The following MTR variants were observed in gnomAD, a reference collection of about 807,000 sequenced individuals.
MTR encodes the protein 5-methyltetrahydrofolate-homocysteine methyltransferase.
Under a neutral mutation model 154.8 loss-of-function variants are expected in MTR, and 84 were observed. The ratio of observed to expected loss-of-function variants is 0.54; its 90% CI spans 0.45 to 0.65. The LOEUF is 0.65. Ranked by LOEUF, MTR falls within the 30% of genes least tolerant of loss-of-function variation. The pLI, the probability that MTR is intolerant of heterozygous loss-of-function variation, is 0.00. For synonymous variants in MTR, 554 were observed against 553.9 expected (o/e 1.00, Z 0.00); for missense variants, 1,275 against 1,570.2 (o/e 0.81, Z 3.18).
intron 22 of MTR, among the ~76,000 whole-genome samples, chr1:236,871,962 A>G (rs1572302072): frequency 6.6e-6 from 1 of 152,296 alleles, no homozygotes; most frequent in East Asian, 1.9e-4. Context: ...GTTACCAGCC[A>G]GTATGTCATG....
chr1:236,799,670 TAAG>T (rs1660599493), intron 1 of MTR, among the ~76,000 whole-genome samples: 1 of 152,118 alleles, frequency 6.6e-6, no homozygotes, highest in Non-Finnish European at 1.5e-5. Context: ...CACAAATCAA[TAAG>T]AAAACAAATT....
rs1015866342 is a variant in MTR at position 236,842,531 on chromosome 1, A to G, written c.1515+3932A>G. 2.6e-5 allele frequency among the ~76,000 whole-genome samples: 4 copies of G among 152,098 alleles called. No individual in the cohort carries two copies. The East Asian group carries it at 5.8e-4, about 22-fold the overall frequency. ...TCTACATTTATCCTCCAAACCGTCT[A>G]TTGAGTTTTATTTCTTCTTTTTCCT... On this transcript the variant is annotated intron_variant, in intron 15 of 32. Transcript: ENST00000366577.
intron 29 of MTR, among the ~76,000 whole-genome samples, chr1:236,891,759 G>C (rs893887247): frequency 2.6e-5 from 4 of 152,206 alleles, no homozygotes; most frequent in Non-Finnish European, 5.9e-5. Context: ...ACAAACATTT[G>C]CAGAATGTAT....
At chr1:236,795,880 G>A in intron 1 of MTR, 143 bp downstream of exon 1, 2 of 1,305,560 alleles carry the variant, frequency 1.5e-6, no homozygotes, top group Non-Finnish European at 1.1e-6. Flanking sequence ...TTAGAACTTA[G>A]CGCAGGAGCC....
intron 15 of MTR, among the ~76,000 whole-genome samples, chr1:236,843,076 ACT>A (rs1283926906): frequency 2.0e-4 from 28 of 138,628 alleles, no homozygotes; most frequent in African/African-American, 6.7e-4. Flanking sequence ...ACAGAGTGAG[ACT>A]CTGTCTCCAA....
intron 18 of MTR, among the ~76,000 whole-genome samples, chr1:236,856,924 T>G (rs1158720891): frequency 6.6e-6 from 1 of 152,224 alleles, no homozygotes. Context: ...CTTTATCCAG[T>G]CTATCATTGA....
chr1:236,865,100 G>A (rs1572288974), intron 22 of MTR, among the ~76,000 whole-genome samples: 1 of 152,300 alleles, frequency 6.6e-6, no homozygotes, highest in East Asian at 1.9e-4. Context: ...GGAACATTGT[G>A]GCATTTCTCC....
intron 13 of MTR, 132 bp from the exon 14 acceptor site, chr1:236,835,415 C>T (rs577687535): frequency 2.3e-5 from 25 of 1,065,246 alleles, no homozygotes; most frequent in South Asian, 7.8e-5. Flanking sequence ...ACAGCAGGCC[C>T]GGAGTCAGGG....
intron 22 of MTR, among the ~76,000 whole-genome samples, chr1:236,871,505 A>G (rs1256652099): frequency 7.0e-6 from 1 of 141,972 alleles, no homozygotes; most frequent in Non-Finnish European, 1.6e-5. Flanking sequence ...ATTTTAAAAC[A>G]TATACAATGT....
chr1:236,896,369 G>A (rs1666623614), intron 31 of MTR, among the ~76,000 whole-genome samples: 3 of 152,196 alleles, frequency 2.0e-5, no homozygotes, highest in South Asian at 4.2e-4. Flanking sequence ...GCTTCAGCAG[G>A]AACAACACTA....
At chr1:236,797,136 G>A (rs1660439569) in intron 1 of MTR, among the ~76,000 whole-genome samples, 1 of 152,154 alleles carries the variant, frequency 6.6e-6, no homozygotes, top group Non-Finnish European at 1.5e-5. Context: ...CAAGTCTAGG[G>A]CCTCTGAAGT....
chr1:236,832,893 C>CA (rs1662694023), intron 13 of MTR, among the ~76,000 whole-genome samples: 1 of 152,186 alleles, frequency 6.6e-6, no homozygotes, highest in African/African-American at 2.4e-5. Flanking sequence ...CCTCAGCTGA[C>CA]ACATTAGCAG....
intron 29 of MTR, among the ~76,000 whole-genome samples, chr1:236,893,777 T>G (rs1666465630): frequency 6.6e-6 from 1 of 152,144 alleles, no homozygotes; most frequent in Non-Finnish European, 1.5e-5. Context: ...CAAATCCTGC[T>G]GAATTCTTGG....
intron 25 of MTR, among the ~76,000 whole-genome samples, chr1:236,884,225 C>A (rs1316878886): frequency 6.6e-6 from 1 of 152,296 alleles, no homozygotes; most frequent in East Asian, 1.9e-4. Context: ...AGACACTGGG[C>A]TAGGCACCAG....
chr1:236,874,812 A>T lies in MTR; in HGVS notation c.2560A>T (p.Ile854Phe). The T allele has an allele frequency of 6.2e-7, 1 of 1,613,782 alleles. No individual in the cohort carries two copies. Among genetic ancestry groups the T allele is most frequent in the East Asian group, 2.2e-5 (1 of 44,816 alleles). ...AKEMERLAIR[I>F]PLLIGGATTS... ...GGAAATGGAGAGATTAGCTATAAGG[A>T]TTCCATTGTTGATTGGAGGAGCAAC... The change falls in exon 24 of 33, where the codon ATT (isoleucine) becomes TTT (phenylalanine). Residue 854 changes from isoleucine (I) to phenylalanine (F), a missense_variant. Ile to Phe is a conservative substitution (Grantham distance 21). Transcript: ENST00000366577.
At chr1:236,884,408 T>G (rs538464329) in intron 25 of MTR, among the ~76,000 whole-genome samples, 1 of 152,304 alleles carries the variant, frequency 6.6e-6, no homozygotes, top group East Asian at 1.9e-4. Flanking sequence ...CAAGACCACC[T>G]TCAGGTTCAA....
intron 24 of MTR, among the ~76,000 whole-genome samples, chr1:236,877,244 A>C (rs1665484064): frequency 6.6e-6 from 1 of 152,226 alleles, no homozygotes; most frequent in Admixed American, 6.5e-5. Context: ...TCTCTTATTT[A>C]AGTAAGTGCT....
chr1:236,851,689 T>C (rs1663913738), intron 16 of MTR, among the ~76,000 whole-genome samples: 1 of 152,224 alleles, frequency 6.6e-6, no homozygotes, highest in Non-Finnish European at 1.5e-5. Flanking sequence ...ATAGTAAGAA[T>C]TGACTGAATA....
intron 22 of MTR, among the ~76,000 whole-genome samples, chr1:236,870,564 A>G (rs1015767918): frequency 2.0e-5 from 3 of 152,126 alleles, no homozygotes; most frequent in African/African-American, 7.2e-5. Flanking sequence ...TGCTGCTGGT[A>G]CAGGAGCACA....
Sources: allele counts gnomAD v4.1 joint callset (sites outside exome capture counted in the v4.1 genomes callset), GRCh38; gene constraint gnomAD v4.1.1; transcripts MANE v1.5; gene names NCBI Gene and HGNC (gene_info 2026-07-23, HGNC 2026-07-21).